The following ERC1 variants were observed in gnomAD, a reference collection of about 807,000 sequenced individuals.
The protein encoded by ERC1 is ELKS/RAB6-interacting/CAST family member 1, also known as RAB6 interacting protein 2.
Under a neutral mutation model 132.0 loss-of-function variants are expected in ERC1, and 56 were observed. That is an observed-to-expected ratio of 0.42 (90% CI 0.34 to 0.53). ERC1 has a LOEUF of 0.53. Ranked by LOEUF, ERC1 falls within the 20% of genes least tolerant of loss-of-function variation. The pLI, the probability that ERC1 is intolerant of heterozygous loss-of-function variation, is 0.03. For missense variants in ERC1, 1,202 were observed against 1,349.9 expected (o/e 0.89, Z 1.72); for synonymous variants, 478 against 476.1 (o/e 1.00, Z -0.05).
chr12:1,007,540 C>CTGTGTGTGTGTGTG (rs10570281), intron 1 of ERC1, among the ~76,000 whole-genome samples: 28 of 122,710 alleles, frequency 2.3e-4, no homozygotes, highest in African/African-American at 5.7e-4. Context: ...CTCTCTCTCT[C>CTGTGTGTGTGTGTG]TGTGTGTGTG....
chr12:1,359,829 T>A lies in ERC1; in HGVS notation c.2781-12004T>A, dbSNP rs551533886. 5.9e-5 allele frequency among the ~76,000 whole-genome samples: 9 copies of A among 152,350 alleles called. No homozygotes were observed. In the South Asian group the frequency reaches 1.2e-3, roughly 21 times the overall value. On this transcript the variant is annotated intron_variant, in intron 15 of 18. Coordinates refer to ENST00000360905, the MANE Select transcript of ERC1 (RefSeq NM_178040.4). ...CATATTATATTGAAAGGACTATTGG[T>A]CTGTATATATTTGTGTATCACAAAA...
chr12:1,488,124 C>A (rs945111748), intron 18 of ERC1, among the ~76,000 whole-genome samples: 2 of 136,166 alleles, frequency 1.5e-5, no homozygotes, highest in African/African-American at 2.8e-5. Flanking sequence ...GGTGACAGAG[C>A]GAGACTCACG....
At chr12:1,468,413 G>A (rs1185017861) in intron 18 of ERC1, among the ~76,000 whole-genome samples, 4 of 152,166 alleles carry the variant, frequency 2.6e-5, no homozygotes, top group Non-Finnish European at 4.4e-5. Context: ...GGTCAGCCTG[G>A]CCAACATGGT....
intron 13 of ERC1, among the ~76,000 whole-genome samples, chr12:1,256,924 G>T (rs756296520): frequency 2.0e-5 from 3 of 150,472 alleles, no homozygotes; most frequent in Admixed American, 6.6e-5. Flanking sequence ...TGTTATACTG[G>T]AGCTACATCC....
intron 12 of ERC1, among the ~76,000 whole-genome samples, chr12:1,204,829 T>C (rs527363403): frequency 5.3e-5 from 8 of 152,208 alleles, no homozygotes; most frequent in African/African-American, 1.9e-4. Flanking sequence ...GAACATTCAG[T>C]GGAGACATTC....
At chr12:1,480,214 A>G (rs1230505899) in intron 18 of ERC1, among the ~76,000 whole-genome samples, 1 of 152,082 alleles carries the variant, frequency 6.6e-6, no homozygotes, top group Admixed American at 6.5e-5. Context: ...TGCTTAAGTT[A>G]TAGAAAGGGC....
intron 8 of ERC1, among the ~76,000 whole-genome samples, chr12:1,179,974 G>A (rs532301198): frequency 6.6e-6 from 1 of 152,346 alleles, no homozygotes; most frequent in South Asian, 2.1e-4. Flanking sequence ...ATGTATGAAT[G>A]AATGGCTAAG....
At chr12:1,100,897 A>G (rs1944586987) in intron 3 of ERC1, among the ~76,000 whole-genome samples, 1 of 152,188 alleles carries the variant, frequency 6.6e-6, no homozygotes, top group African/African-American at 2.4e-5. Context: ...AGAAGCCTAC[A>G]AAGGACTGAT....
At chr12:1,149,392 C>CAT (rs1950643908) in intron 8 of ERC1, among the ~76,000 whole-genome samples, 1 of 152,002 alleles carries the variant, frequency 6.6e-6, no homozygotes, top group Non-Finnish European at 1.5e-5. Flanking sequence ...ATCATATATA[C>CAT]ATATATATTG....
At chr12:1,078,258 C>A (rs1413634412) in intron 2 of ERC1, among the ~76,000 whole-genome samples, 1 of 152,138 alleles carries the variant, frequency 6.6e-6, no homozygotes, top group African/African-American at 2.4e-5. Flanking sequence ...TATATTCACT[C>A]AGGAGTGTCA....
intron 2 of ERC1, among the ~76,000 whole-genome samples, chr12:1,036,653 G>T (rs1012792066): frequency 5.9e-5 from 9 of 152,190 alleles, no homozygotes; most frequent in Admixed American, 2.6e-4. Context: ...TGGGATTACA[G>T]GTGTGAGCCA....
In ERC1 at chr12:1,092,001, C is replaced by CTTTTTT. The variant is rs34377863; in HGVS notation, c.1086+8431_1086+8436dup. ...AAAAAAAAGTGGCATTTAATCAATTCTTTTTTTTTTTTTTTGAGACGGAGT... is the reference window on the plus strand; with the variant it reads ...AAAAAAAAGTGGCATTTAATCAATTCTTTTTTTTTTTTTTTTTTTTTGAGACGGAGT... On this transcript the variant is annotated intron_variant, in intron 3 of 18. Coordinates refer to ENST00000360905, the MANE Select transcript of ERC1 (RefSeq NM_178040.4). Among the ~76,000 whole-genome samples the CTTTTTT allele has an allele frequency of 1.0e-3, 141 of 138,080 alleles. 2 individuals are homozygous for CTTTTTT. Among genetic ancestry groups the CTTTTTT allele is most frequent in the South Asian group, 2.6e-3 (11 of 4,256 alleles). The allele number at this position is 138,080 out of a possible 152,430, so 90.6% of individuals were successfully genotyped here. A position where few individuals can be genotyped will look rare whatever the true frequency, so the allele number is the denominator to read the frequency against.
chr12:1,426,206 T>A (rs536125529), intron 17 of ERC1, among the ~76,000 whole-genome samples: 2 of 151,570 alleles, frequency 1.3e-5, no homozygotes, highest in South Asian at 4.2e-4. Flanking sequence ...TGGGTTCAAG[T>A]GATTCTCCTG....
intron 14 of ERC1, among the ~76,000 whole-genome samples, chr12:1,266,348 C>T (rs1249082934): frequency 2.7e-5 from 4 of 148,332 alleles, no homozygotes; most frequent in Middle Eastern, 3.2e-3. Context: ...ATCTACTGTC[C>T]TCTCCTCTCC....
intron 1 of ERC1, among the ~76,000 whole-genome samples, chr12:1,006,720 G>A (rs557560299): frequency 5.8e-4 from 88 of 151,926 alleles, no homozygotes; most frequent in Middle Eastern, 3.4e-3. Context: ...TAGAGACAGG[G>A]TCTTGCAGTC....
At chr12:1,144,634 A>G (rs1950170104) in intron 8 of ERC1, among the ~76,000 whole-genome samples, 1 of 147,070 alleles carries the variant, frequency 6.8e-6, no homozygotes, top group Non-Finnish European at 1.5e-5. Flanking sequence ...ATATATATAT[A>G]CGTGTATATA....
chr12:1,406,315 T>G (rs987166237), intron 16 of ERC1, among the ~76,000 whole-genome samples: 1 of 123,554 alleles, frequency 8.1e-6, no homozygotes, highest in Non-Finnish European at 1.6e-5. Flanking sequence ...TCTCTGTAAA[T>G]TTTTTTTATG....
intron 18 of ERC1, among the ~76,000 whole-genome samples, chr12:1,463,754 A>G (rs1312211619): frequency 7.9e-6 from 1 of 127,146 alleles, no homozygotes; most frequent in African/African-American, 3.4e-5. Flanking sequence ...GATGAGAAAC[A>G]CTATTGAGTA....
At chr12:1,276,106 C>T (rs1046696749) in intron 14 of ERC1, among the ~76,000 whole-genome samples, 1 of 152,176 alleles carries the variant, frequency 6.6e-6, no homozygotes, top group Non-Finnish European at 1.5e-5. Context: ...CATGTTCCTT[C>T]TGAGTGAAGC....
Sources: gnomAD v4.1 joint callset for allele counts (sites outside exome capture counted in the v4.1 genomes callset) on GRCh38, gnomAD v4.1.1 for gene constraint, MANE v1.5 for transcripts, NCBI Gene and HGNC (gene_info 2026-07-23, HGNC 2026-07-21) for gene names.